The following ADAMTS18 variants were observed in gnomAD, a reference collection of about 807,000 sequenced individuals.
ADAMTS18 encodes the protein A disintegrin and metalloproteinase with thrombospondin motifs 18.
In ADAMTS18, 157 loss-of-function variants were observed where a neutral mutation model predicts 165.9. The ratio of observed to expected loss-of-function variants is 0.95; its 90% confidence interval spans 0.83 to 1.08. The LOEUF is 1.08. Ranked by LOEUF, ADAMTS18 falls within the 50% of genes least tolerant of loss-of-function variation. The pLI, the probability that ADAMTS18 is intolerant of heterozygous loss-of-function variation, is 0.00. For missense variants in ADAMTS18, 2,040 were observed against 1,534.0 expected (o/e 1.33, Z -5.51); for synonymous variants, 782 against 578.2 (o/e 1.35, Z -5.06).
At chr16:77,300,726 AAAG>A (rs769787699) in intron 16 of ADAMTS18, among the ~76,000 whole-genome samples, 1 of 152,178 alleles carries the variant, frequency 6.6e-6, no homozygotes, top group African/African-American at 2.4e-5. Flanking sequence ...CATAAAGAAG[AAAG>A]AAAGGTTATA....
chr16:77,419,892 G>A (rs565767075), intron 3 of ADAMTS18, among the ~76,000 whole-genome samples: 3 of 150,988 alleles, frequency 2.0e-5, no homozygotes, highest in Middle Eastern at 3.4e-3. Flanking sequence ...CCAGCTACTT[G>A]GGAGGCCGAG....
intron 12 of ADAMTS18, among the ~76,000 whole-genome samples, chr16:77,333,135 CAGTCCCGTAG>C (rs1322073474): frequency 1.3e-5 from 2 of 152,156 alleles, no homozygotes; most frequent in Non-Finnish European, 2.9e-5. Flanking sequence ...TGGATCATCA[CAGTCCCGTAG>C]AGAATGACTC....
intron 16 of ADAMTS18, among the ~76,000 whole-genome samples, chr16:77,312,730 A>G (rs1052226766): frequency 1.3e-5 from 2 of 152,240 alleles, no homozygotes; most frequent in Non-Finnish European, 2.9e-5. Context: ...CATGCAAATC[A>G]AAACCACAAT....
At position 77,300,255 on chromosome 16, in the gene ADAMTS18, T is replaced by C. The variant is rs1225588637; in HGVS notation, c.2674+8A>G. ...AGACTTTGGAGACAGAATGAGAAAA[T>C]CATCTACCTCCACCACAGGAGACGG... On this transcript the variant is annotated splice_region_variant and intron_variant, in intron 17 of 22. Coordinates refer to ENST00000282849, the MANE Select transcript of ADAMTS18 (RefSeq NM_199355.4). 6.2e-7 allele frequency: 1 copy of C among 1,613,872 alleles called. No individual in the cohort carries two copies. Among genetic ancestry groups the C allele is most frequent in the Non-Finnish European group, 8.5e-7 (1 of 1,179,886 alleles).
At chr16:77,300,546 T>C (rs987356358) in intron 16 of ADAMTS18, 142 bp from the exon 17 acceptor site, 1 of 980,988 alleles carries the variant, frequency 1.0e-6, no homozygotes, top group South Asian at 1.4e-5. Context: ...AAGTATGTTT[T>C]ATGTTGACTT....
intron 22 of ADAMTS18, among the ~76,000 whole-genome samples, chr16:77,287,926 T>C (rs963303807): frequency 3.3e-5 from 5 of 152,012 alleles, no homozygotes; most frequent in African/African-American, 1.2e-4. Flanking sequence ...CTTTTAAGAA[T>C]AGGACCCAGC....
chr16:77,392,062 G>A (rs775166899), intron 3 of ADAMTS18, among the ~76,000 whole-genome samples: 1 of 152,020 alleles, frequency 6.6e-6, no homozygotes. Context: ...CAGAAAAATC[G>A]AACAACACCA....
chr16:77,395,521 T>C (rs373028807), intron 3 of ADAMTS18, among the ~76,000 whole-genome samples: 9 of 152,280 alleles, frequency 5.9e-5, no homozygotes, highest in African/African-American at 1.7e-4. Flanking sequence ...TGAATCACCT[T>C]TTCCCTCAGG....
intron 3 of ADAMTS18, among the ~76,000 whole-genome samples, chr16:77,425,346 G>C (rs2057658037): frequency 6.6e-6 from 1 of 152,156 alleles, no homozygotes; most frequent in African/African-American, 2.4e-5. Context: ...TCTCATGGCA[G>C]CCTTGATCAC....
chr16:77,349,107 C>A (rs2144703633), intron 10 of ADAMTS18, among the ~76,000 whole-genome samples: 1 of 152,200 alleles, frequency 6.6e-6, no homozygotes, highest in South Asian at 2.1e-4. Flanking sequence ...TGATTCCATG[C>A]TAGGAAGTTT....
Position 77,291,376 on chromosome 16 carries a change from T to G in ADAMTS18, c.3292A>C (p.Asn1098His). 1 of 1,614,170 alleles carries G rather than the reference T, an allele frequency of 6.2e-7. No homozygotes were observed. The highest frequency in any genetic ancestry group is 8.5e-7 in the Non-Finnish European group (1 of 1,180,002). The change falls in exon 21 of 23, where the codon AAT becomes CAT. Residue 1098 changes from asparagine (N) to histidine (H), a missense_variant. Physicochemically the swap from Asn to His is moderately conservative, Grantham distance 68. Coordinates refer to ENST00000282849, the MANE Select transcript of ADAMTS18 (RefSeq NM_199355.4). ...AAGTCCAGATTTGGTTTCTTAATAT[T>G]ACGGCATCTTCGCTCTGGGAAAGTT... ...LITFPERRCR[N>H]IKKPNLDLEE... is the part of the protein sequence containing the mutation.
intron 16 of ADAMTS18, among the ~76,000 whole-genome samples, chr16:77,306,445 A>G (rs2055683325): frequency 6.6e-6 from 1 of 152,234 alleles, no homozygotes; most frequent in South Asian, 2.1e-4. Context: ...GATATCTTCA[A>G]TAATCACGGG....
intron 3 of ADAMTS18, among the ~76,000 whole-genome samples, chr16:77,405,228 C>G (rs763363166): frequency 6.6e-6 from 1 of 152,154 alleles, no homozygotes; most frequent in Non-Finnish European, 1.5e-5. Context: ...AGACAGGGAG[C>G]TCATGGTCAA....
intron 22 of ADAMTS18, among the ~76,000 whole-genome samples, chr16:77,288,351 C>A (rs1329823363): frequency 6.6e-6 from 1 of 151,980 alleles, no homozygotes; most frequent in African/African-American, 2.4e-5. Flanking sequence ...TATGTAGTAT[C>A]CCAGCATGGA....
At position 77,328,158 on chromosome 16, in the gene ADAMTS18, T is replaced by C. The variant is rs545231806; in HGVS notation, c.1860-2120A>G. Among the ~76,000 whole-genome samples, 6 of 152,188 alleles carry C rather than the reference T, an allele frequency of 3.9e-5. No homozygotes were observed. In the East Asian group the frequency reaches 1.2e-3, roughly 30 times the overall value. On this transcript the variant is annotated intron_variant, in intron 12 of 22. Transcript: ENST00000282849. ...GCTCTTTAAGATCTTGGTAGGCAGA[T>C]TCTAATCTGCAAAAACCAGAAAGCA...
chr16:77,296,054 A>G (rs867157553), intron 18 of ADAMTS18, among the ~76,000 whole-genome samples: 3 of 151,976 alleles, frequency 2.0e-5, no homozygotes, highest in South Asian at 2.1e-4. Flanking sequence ...GCACATCTTT[A>G]TATATAAAGA....
chr16:77,341,113 G>C (rs1428923956), intron 11 of ADAMTS18, among the ~76,000 whole-genome samples: 1 of 152,140 alleles, frequency 6.6e-6, no homozygotes, highest in Non-Finnish European at 1.5e-5. Flanking sequence ...AAATATATGA[G>C]AGTTCTTCAT....
chr16:77,367,545 G>A lies in ADAMTS18; in HGVS notation c.674C>T (p.Pro225Leu). Residue 225 changes from proline to leucine, a missense_variant, in exon 4 of 23, where the codon CCT becomes CTT. Pro to Leu is a moderately conservative substitution (Grantham distance 98). Coordinates refer to ENST00000282849, the MANE Select transcript of ADAMTS18 (RefSeq NM_199355.4). ...GGGAATGTGACTTGGGGAGTAACCAGGATAATTCCGGCCAGAGCCGGGGTA... is the reference window on the plus strand; with the variant it reads ...GGGAATGTGACTTGGGGAGTAACCAAGATAATTCCGGCCAGAGCCGGGGTA... ...RGYPGSGRNY[P>L]GYSPSHIPHA... 7 of 1,614,258 alleles carry A rather than the reference G, an allele frequency of 4.3e-6. No homozygotes were observed. Among genetic ancestry groups the A allele is most frequent in the Non-Finnish European group, 5.9e-6 (7 of 1,180,054 alleles).
intron 21 of ADAMTS18, 82 bp downstream of exon 21, chr16:77,291,184 G>C (rs1318243948): frequency 1.4e-5 from 20 of 1,470,878 alleles, no homozygotes; most frequent in East Asian, 2.3e-5. Context: ...ACCATTAACA[G>C]ACTAAGAGCA....
Sources: gnomAD v4.1 joint callset for allele counts (sites outside exome capture counted in the v4.1 genomes callset) on GRCh38, gnomAD v4.1.1 for gene constraint, MANE v1.5 for transcripts, NCBI Gene and HGNC (gene_info 2026-07-23, HGNC 2026-07-21) for gene names.